RSF1: variants seen among roughly 807,000 people sequenced by gnomAD.
The protein encoded by RSF1 is remodeling and spacing factor 1, also known as HBV pX-associated protein 8.
RSF1 carries 13 observed loss-of-function variants against 145.2 expected under a neutral mutation model. The observed-to-expected ratio is 0.09, with a 90% CI of 0.06 to 0.14. RSF1 has a LOEUF of 0.14. Among genes scored for constraint, RSF1 ranks in the 10% least tolerant of loss-of-function variants. The pLI is 1.00. For synonymous variants in RSF1, 577 were observed against 592.6 expected, an observed-to-expected ratio of 0.97 and a Z score of 0.38; for missense variants, 1,517 against 1,718.2, an observed-to-expected ratio of 0.88 and a Z score of 2.07.
At chr11:77,672,278 G>A (rs769566924) in intron 14 of RSF1, 48 bp from the exon 15 acceptor site, 30 of 1,443,044 alleles carry the variant, frequency 2.1e-5, no homozygotes, top group African/African-American at 2.9e-5. Flanking sequence ...AGTCTATTTA[G>A]AAATGTAGCT....
chr11:77,845,309 A>G, the RSF1 span, among the ~76,000 whole-genome samples: 6 of 151,834 alleles, frequency 4.0e-5, no homozygotes, highest in African/African-American at 1.5e-4. Context: ...CCTTTGTCTC[A>G]GACTGGATAA....
chr11:77,832,981 GTGTGTGTGTGTGTGTGTA>G, the RSF1 span, among the ~76,000 whole-genome samples: 14 of 55,802 alleles, frequency 2.5e-4, no homozygotes, highest in African/African-American at 9.1e-4. Context: ...GTGTGTGTGT[GTGTGTGTGTGTGTGTGTA>G]TATATATATA....
intron 1 of RSF1, among the ~76,000 whole-genome samples, chr11:77,798,284 A>G (rs1948592182): frequency 6.6e-6 from 1 of 152,104 alleles, no homozygotes; most frequent in Non-Finnish European, 1.5e-5. Flanking sequence ...TAGGCTGGAT[A>G]AAGAAAATGT....
At chr11:77,721,327 C>T (rs1002081639) in intron 5 of RSF1, among the ~76,000 whole-genome samples, 1 of 152,054 alleles carries the variant, frequency 6.6e-6, no homozygotes, top group African/African-American at 2.4e-5. Context: ...TGTTTACATC[C>T]GAAAGGAATA....
chr11:77,677,970 A>T, intron 12 of RSF1, 116 bp downstream of exon 12: 2 of 727,276 alleles, frequency 2.7e-6, no homozygotes, highest in Non-Finnish European at 4.9e-6. Flanking sequence ...CATCAGTACT[A>T]ATCATGATAC....
At chr11:77,750,164 T>A (rs949267060) in intron 2 of RSF1, among the ~76,000 whole-genome samples, 1 of 150,820 alleles carries the variant, frequency 6.6e-6, no homozygotes, top group Non-Finnish European at 1.5e-5. Context: ...TACCACAAAA[T>A]GAACACTGCA....
upstream of RSF1, chr11:77,820,822 T>G (rs1348006772): frequency 8.6e-7 from 1 of 1,158,350 alleles, no homozygotes; most frequent in Non-Finnish European, 1.2e-6. Context: ...TCAAGTGGGC[T>G]CCTCTGCGGA....
chr11:77,777,436 A>G (rs765768818), intron 1 of RSF1, among the ~76,000 whole-genome samples: 35 of 151,944 alleles, frequency 2.3e-4, no homozygotes, highest in Non-Finnish European at 4.6e-4. Context: ...TAATAAAAAT[A>G]TAAGAAATTA....
Position 77,666,945 on chromosome 11 carries a change from TCAA to T in RSF1, c.4295_4297del (p.Val1432del). On this transcript the variant is annotated inframe_deletion, in exon 16 of 16. Coordinates refer to ENST00000308488, the MANE Select transcript of RSF1 (RefSeq NM_016578.4). ...TAACTGTTCACTGTTACAGACATAA[TCAA>T]CAAGGTCAGTCACTCTCAAAAGCTC... 6.3e-7 allele frequency: 1 copy of T among 1,585,914 alleles called. No homozygotes were observed.
intron 2 of RSF1, among the ~76,000 whole-genome samples, chr11:77,752,055 C>T (rs1948068673): frequency 6.6e-6 from 1 of 152,172 alleles, no homozygotes; most frequent in Non-Finnish European, 1.5e-5. Flanking sequence ...AAAGACAACC[C>T]ATTCAAACTG....
chr11:77,830,987 C>CAAAAAAAAAAA, the RSF1 span, among the ~76,000 whole-genome samples: 2 of 100,514 alleles, frequency 2.0e-5, no homozygotes, highest in Non-Finnish European at 2.0e-5. Context: ...CAAAATATAC[C>CAAAAAAAAAAA]AAAAAAAAAA....
the RSF1 span, among the ~76,000 whole-genome samples, chr11:77,831,694 C>CT: frequency 0.1 from 13,935 of 135,948 alleles, 889 homozygotes; most frequent in Admixed American, 0.18. Context: ...ACTTAGGTAT[C>CT]TTTTTTTTTT....
At chr11:77,858,761 T>C in the RSF1 span, among the ~76,000 whole-genome samples, 2 of 152,170 alleles carry the variant, frequency 1.3e-5, no homozygotes, top group Non-Finnish European at 2.9e-5. Flanking sequence ...TTTGATGTCA[T>C]TAACATCAGA....
chr11:77,683,269 G>C (rs1433069529), intron 11 of RSF1, among the ~76,000 whole-genome samples: 1 of 152,102 alleles, frequency 6.6e-6, no homozygotes, highest in Non-Finnish European at 1.5e-5. Context: ...CCAGCCTGGA[G>C]ACAGAGCAAG....
chr11:77,704,964 G>A (rs12276091), intron 5 of RSF1, among the ~76,000 whole-genome samples: 8,441 of 151,980 alleles, frequency 0.056, 303 homozygotes, highest in Non-Finnish European at 0.084. Context: ...TTGGTCAGGC[G>A]GGTCTCGAAC....
In RSF1 at chr11:77,666,144, T is replaced by C. The variant is rs540983176; in HGVS notation, c.*773A>G. On this transcript the variant is annotated 3_prime_UTR_variant, in exon 16 of 16. Transcript: ENST00000308488. ...CACAATATATTTGAGGCCACCTTAT[T>C]ACCACTGCATAAAGCTTATTTAAAA... 1.3e-5 allele frequency: 2 copies of C among 152,330 alleles called. No homozygotes were observed. Among genetic ancestry groups the C allele is most frequent in the South Asian group, 4.1e-4 (2 of 4,828 alleles). 9.4% of individuals were successfully genotyped at this position (152,330 alleles called of 1,614,324 possible). A position where few individuals can be genotyped will look rare whatever the true frequency, so the allele number is the denominator to read the frequency against.
intron 11 of RSF1, among the ~76,000 whole-genome samples, chr11:77,682,265 T>C (rs1959882940): frequency 6.6e-6 from 1 of 152,218 alleles, no homozygotes; most frequent in South Asian, 2.1e-4. Context: ...AATTCCTCCA[T>C]GATTACTGAT....
chr11:77,743,178 C>T (rs1334709353), intron 3 of RSF1, among the ~76,000 whole-genome samples: 1 of 152,110 alleles, frequency 6.6e-6, no homozygotes, highest in Non-Finnish European at 1.5e-5. Context: ...AGTATGATGC[C>T]TCCAGTTTTG....
chr11:77,752,123 G>C (rs1275091977), intron 2 of RSF1, among the ~76,000 whole-genome samples: 1 of 152,154 alleles, frequency 6.6e-6, no homozygotes, highest in East Asian at 1.9e-4. Flanking sequence ...GTCCTCAGCA[G>C]AACTTCCCTT....
Sources: allele counts gnomAD v4.1 joint callset (sites outside exome capture counted in the v4.1 genomes callset), GRCh38; gene constraint gnomAD v4.1.1; transcripts MANE v1.5; gene names NCBI Gene and HGNC (gene_info 2026-07-23, HGNC 2026-07-21).